The following JADE1 variants were observed in gnomAD, a reference collection of about 807,000 sequenced individuals.
The protein encoded by JADE1 is protein Jade-1.
JADE1 carries 14 observed loss-of-function variants against 81.8 expected under a neutral mutation model. The observed-to-expected ratio is 0.17, with a 90% CI of 0.11 to 0.27. The LOEUF (loss-of-function observed/expected upper bound fraction) is 0.27. JADE1 is among the 10% of genes least tolerant of loss of function. The pLI is 1.00. For missense variants in JADE1, 690 were observed against 1,047.9 expected (o/e 0.66, Z 4.71); for synonymous variants, 353 against 391.9 (o/e 0.90, Z 1.17).
chr4:128,827,921 C>G (rs1017266475), intron 1 of JADE1: 2 of 983,914 alleles, frequency 2.0e-6, no homozygotes, highest in Non-Finnish European at 2.4e-6. Context: ...AAGTACGGTG[C>G]TCTGCCCCAA....
intron 1 of JADE1, among the ~76,000 whole-genome samples, chr4:128,826,399 C>A (rs560437100): frequency 2.7e-4 from 41 of 152,188 alleles, no homozygotes; most frequent in Non-Finnish European, 5.0e-4. Flanking sequence ...CTCTTGTCAC[C>A]CAGGCTGGAG....
At chr4:128,842,127 C>T (rs933908914) in intron 2 of JADE1, among the ~76,000 whole-genome samples, 2 of 152,128 alleles carry the variant, frequency 1.3e-5, no homozygotes, top group Admixed American at 1.3e-4. Flanking sequence ...GTTTGTTTAC[C>T]TCCCGTCCTC....
chr4:128,843,629 TATG>T (rs1304934428), intron 3 of JADE1, among the ~76,000 whole-genome samples: 1 of 152,238 alleles, frequency 6.6e-6, no homozygotes, highest in African/African-American at 2.4e-5. Flanking sequence ...TAGGGGTCCT[TATG>T]AGACCTGAGG....
At chr4:128,866,293 G>A (rs1003090492) in intron 9 of JADE1, among the ~76,000 whole-genome samples, 2 of 152,202 alleles carry the variant, frequency 1.3e-5, no homozygotes, top group African/African-American at 4.8e-5. Flanking sequence ...AATAAGACAG[G>A]AAATGTTAGT....
chr4:128,864,840 A>C (rs1731665607), intron 9 of JADE1: 1 of 155,688 alleles, frequency 6.4e-6, no homozygotes, highest in South Asian at 2.0e-4. Context: ...GGGGCATTGC[A>C]TACCTGGGTA....
At chr4:128,819,332 C>T (rs1425618) in intron 1 of JADE1, among the ~76,000 whole-genome samples, 72,940 of 151,874 alleles carry the variant, frequency 0.48, 20,598 homozygotes, top group South Asian at 0.62. Context: ...TGCAGTGGCA[C>T]GATCACGGCT....
intron 1 of JADE1, among the ~76,000 whole-genome samples, chr4:128,829,683 A>C (rs934688588): frequency 1.3e-5 from 2 of 152,186 alleles, no homozygotes; most frequent in Non-Finnish European, 2.9e-5. Context: ...AGGAGACTTC[A>C]CCGAAGAGAA....
intron 3 of JADE1, among the ~76,000 whole-genome samples, chr4:128,845,631 C>G (rs1729803608): frequency 6.6e-6 from 1 of 152,012 alleles, no homozygotes; most frequent in Admixed American, 6.6e-5. Flanking sequence ...AGGTGAGTCC[C>G]TGGCCAGGAG....
At chr4:128,855,602 T>G (rs1730728788) in intron 6 of JADE1, 28 bp from the exon 7 acceptor site, 1 of 1,556,554 alleles carries the variant, frequency 6.4e-7, no homozygotes, top group Non-Finnish European at 8.7e-7. Flanking sequence ...TTCTCTCTAT[T>G]CCTCTGGGAT....
intron 6 of JADE1, 69 bp downstream of exon 6, chr4:128,852,337 C>A: frequency 7.9e-7 from 1 of 1,269,870 alleles, no homozygotes; most frequent in Non-Finnish European, 1.1e-6. Context: ...GGAGTGTATG[C>A]CTGGAGTCCA....
intron 2 of JADE1, among the ~76,000 whole-genome samples, chr4:128,835,486 T>C (rs1728907030): frequency 2.0e-5 from 3 of 152,196 alleles, no homozygotes; most frequent in African/African-American, 7.2e-5. Flanking sequence ...TCCTTTTGTA[T>C]ATAACTGGGT....
At chr4:128,844,944 C>T (rs961176413) in intron 3 of JADE1, among the ~76,000 whole-genome samples, 2 of 152,188 alleles carry the variant, frequency 1.3e-5, no homozygotes, top group African/African-American at 4.8e-5. Context: ...GACCTATTAG[C>T]AGGCGTATGA....
At position 128,837,597 on chromosome 4, in the gene JADE1, C is replaced by T. The variant is rs190900849; in HGVS notation, c.53-5356C>T. On this transcript the variant is annotated intron_variant, in intron 2 of 10. Coordinates refer to ENST00000226319, the MANE Select transcript of JADE1 (RefSeq NM_199320.4). ...AATAAACAGTAACTAGATTAAATTT[C>T]CCTAATTTGAGATGGGAATTAACAC... is the stretch of plus-strand genomic sequence containing the variant. Among the ~76,000 whole-genome samples, 8 of 152,254 alleles carry T rather than the reference C, an allele frequency of 5.3e-5. No individual in the cohort carries two copies. The East Asian group carries it at 1.5e-3, about 29-fold the overall frequency.
chr4:128,820,153 C>T (rs1309691680), intron 1 of JADE1, among the ~76,000 whole-genome samples: 1 of 150,776 alleles, frequency 6.6e-6, no homozygotes, highest in Non-Finnish European at 1.5e-5. Flanking sequence ...GCTTTGTCAC[C>T]CAGGTTGGAG....
chr4:128,849,902 T>G (rs2125863588), intron 5 of JADE1, among the ~76,000 whole-genome samples: 1 of 152,156 alleles, frequency 6.6e-6, no homozygotes, highest in Non-Finnish European at 1.5e-5. Flanking sequence ...CTGGGCTCAG[T>G]GTGAAAAACT....
intron 3 of JADE1, among the ~76,000 whole-genome samples, chr4:128,845,601 G>T (rs539663663): frequency 6.6e-6 from 1 of 152,042 alleles, no homozygotes; most frequent in African/African-American, 2.4e-5. Context: ...GGGCCTGGGT[G>T]GGGGCAGTCT....
intron 10 of JADE1, 150 bp downstream of exon 10, chr4:128,868,123 G>A (rs1731916266): frequency 1.2e-5 from 6 of 494,512 alleles, no homozygotes; most frequent in Non-Finnish European, 2.2e-5. Flanking sequence ...TTAATTTGAG[G>A]CATCATGTTT....
intron 2 of JADE1, among the ~76,000 whole-genome samples, chr4:128,833,439 C>T (rs1316031827): frequency 6.6e-6 from 1 of 152,198 alleles, no homozygotes; most frequent in Non-Finnish European, 1.5e-5. Context: ...CCTGGTGGCT[C>T]ACGCCTGTAT....
chr4:128,826,703 A>G (rs1203314428), intron 1 of JADE1, among the ~76,000 whole-genome samples: 8 of 151,964 alleles, frequency 5.3e-5, no homozygotes, highest in Admixed American at 2.6e-4. Context: ...ACCTGGCCCT[A>G]TGTTATGTTT....
Sources: allele counts gnomAD v4.1 joint callset (sites outside exome capture counted in the v4.1 genomes callset), GRCh38; gene constraint gnomAD v4.1.1; transcripts MANE v1.5; gene names NCBI Gene and HGNC (gene_info 2026-07-23, HGNC 2026-07-21).